Variants in SLC35F3 observed in about 807,000 individuals in gnomAD.
SLC35F3 encodes solute carrier family 35 member F3, also known as putative thiamine transporter SLC35F3.
A neutral mutation model predicts 49.9 loss-of-function variants in SLC35F3; 25 were observed. The ratio of observed to expected loss-of-function variants is 0.50; its 90% CI spans 0.37 to 0.70. The LOEUF (loss-of-function observed/expected upper bound fraction) is 0.70, where lower values mean the gene tolerates loss of function less well. Ranked by LOEUF, SLC35F3 falls within the 30% of genes least tolerant of loss-of-function variation. The pLI is 0.00. For missense variants in SLC35F3, 525 were observed against 639.8 expected, an observed-to-expected ratio of 0.82 and a Z score of 1.94; for synonymous variants, 275 against 265.4, an observed-to-expected ratio of 1.04 and a Z score of -0.35.
chr1:234,024,197 AT>A (rs1480239441), intron 2 of SLC35F3, among the ~76,000 whole-genome samples: 10 of 151,100 alleles, frequency 6.6e-5, no homozygotes, highest in African/African-American at 2.5e-4. Flanking sequence ...AATCAAAACT[AT>A]TCTAAAAATA....
intron 2 of SLC35F3, among the ~76,000 whole-genome samples, chr1:234,070,829 G>A (rs1344876892): frequency 1.3e-5 from 2 of 151,794 alleles, no homozygotes; most frequent in African/African-American, 4.8e-5. Flanking sequence ...TAGTAATTTT[G>A]TATGATGGCC....
intron 2 of SLC35F3, among the ~76,000 whole-genome samples, chr1:234,093,211 A>G (rs569111314): frequency 1.1e-4 from 16 of 152,340 alleles, no homozygotes; most frequent in Admixed American, 1.0e-3. Flanking sequence ...CACTCACAGC[A>G]TGCCTCCCAA....
intron 2 of SLC35F3, among the ~76,000 whole-genome samples, chr1:233,971,814 G>A (rs1261973419): frequency 6.6e-6 from 1 of 152,110 alleles, no homozygotes; most frequent in African/African-American, 2.4e-5. Flanking sequence ...TTATTAGCTG[G>A]GCATCGACTG....
rs1228622920 is a variant in SLC35F3, at chr1:234,001,755, CAT to C, written c.283+95999_283+96000del. 2.6e-5 allele frequency among the ~76,000 whole-genome samples: 4 copies of C among 152,136 alleles called. No individual in the cohort carries two copies. The South Asian group carries it at 8.3e-4, about 32-fold the overall frequency. On this transcript the variant is annotated intron_variant, in intron 2 of 7. Transcript: ENST00000366618. ...ACTTTAGCAAGGAAGAGGGCAAAAC[CAT>C]AGATTGATTTTACACTCTGCATCCT...
intron 2 of SLC35F3, among the ~76,000 whole-genome samples, chr1:233,920,644 A>G (rs1662043260): frequency 6.6e-6 from 1 of 152,236 alleles, no homozygotes; most frequent in Non-Finnish European, 1.5e-5. Context: ...ACTTCTAAGC[A>G]AAAGAATATG....
intron 2 of SLC35F3, among the ~76,000 whole-genome samples, chr1:234,154,650 A>G (rs1034245418): frequency 2.0e-5 from 3 of 152,224 alleles, no homozygotes; most frequent in Non-Finnish European, 4.4e-5. Flanking sequence ...TTAAATAGTT[A>G]TCATAACTAA....
intron 2 of SLC35F3, among the ~76,000 whole-genome samples, chr1:234,204,794 A>C (rs1252817020): frequency 6.6e-6 from 1 of 152,156 alleles, no homozygotes; most frequent in Non-Finnish European, 1.5e-5. Context: ...ACACCTCTAC[A>C]CCTCATCTCT....
chr1:234,113,517 TA>T (rs1369744860), intron 2 of SLC35F3, among the ~76,000 whole-genome samples: 1 of 152,230 alleles, frequency 6.6e-6, no homozygotes, highest in African/African-American at 2.4e-5. Flanking sequence ...TAGGCTGCCC[TA>T]AAATGAAGTC....
At chr1:233,933,314 A>G (rs1454378058) in intron 2 of SLC35F3, among the ~76,000 whole-genome samples, 2 of 151,946 alleles carry the variant, frequency 1.3e-5, no homozygotes, top group Non-Finnish European at 1.5e-5. Flanking sequence ...TTATTGTTGT[A>G]TACCGTTATT....
intron 2 of SLC35F3, among the ~76,000 whole-genome samples, chr1:234,108,350 ATATT>A (rs1440048372): frequency 2.6e-5 from 3 of 115,986 alleles, no homozygotes; most frequent in Non-Finnish European, 3.3e-5. Context: ...TAAAAGATAT[ATATT>A]TATATATATG....
At chr1:234,317,655 C>T (rs1455427572) in intron 5 of SLC35F3, among the ~76,000 whole-genome samples, 1 of 152,170 alleles carries the variant, frequency 6.6e-6, no homozygotes, top group East Asian at 1.9e-4. Context: ...CCTTATCCTT[C>T]ATCACCTCCC....
At chr1:234,294,093 T>A (rs1423893171) in intron 3 of SLC35F3, among the ~76,000 whole-genome samples, 1 of 152,372 alleles carries the variant, frequency 6.6e-6, no homozygotes, top group Non-Finnish European at 1.5e-5. Flanking sequence ...GACAAATCTA[T>A]GCCCATGTCT....
chr1:234,124,432 T>C lies in SLC35F3; in HGVS notation c.284-106985T>C, dbSNP rs573177115. Among the ~76,000 whole-genome samples, 3 of 152,340 alleles carry C rather than the reference T, an allele frequency of 2.0e-5. No homozygotes were observed. The South Asian group carries it at 6.2e-4, about 32-fold the overall frequency. The stretch of plus-strand genomic sequence containing the variant: ...CTGTCAAGTCTGACTTTCTTCTTCC[T>C]CTTCCTCCACCAACCCAAGATCATT... On this transcript the variant is annotated intron_variant, in intron 2 of 7. Transcript: ENST00000366618.
At chr1:234,204,185 C>A (rs1337696801) in intron 2 of SLC35F3, among the ~76,000 whole-genome samples, 1 of 151,912 alleles carries the variant, frequency 6.6e-6, no homozygotes, top group Non-Finnish European at 1.5e-5. Context: ...TGAAGCTTAT[C>A]TATATTCACA....
intron 2 of SLC35F3, among the ~76,000 whole-genome samples, chr1:234,207,252 GC>G (rs558710442): frequency 5.3e-4 from 80 of 151,762 alleles, no homozygotes; most frequent in African/African-American, 1.9e-3. Context: ...GCAGAGGGGA[GC>G]CACCGTGGCT....
chr1:234,287,210 TAAAAA>T (rs1458409647), intron 3 of SLC35F3, among the ~76,000 whole-genome samples: 9 of 151,850 alleles, frequency 5.9e-5, no homozygotes, highest in South Asian at 2.1e-4. Flanking sequence ...TAAATAAAAA[TAAAAA>T]TTTAAAAAGC....
intron 2 of SLC35F3, among the ~76,000 whole-genome samples, chr1:233,925,225 C>T (rs1662137213): frequency 6.6e-6 from 1 of 152,146 alleles, no homozygotes; most frequent in Admixed American, 6.5e-5. Flanking sequence ...CTAATATTGA[C>T]AGTGGGGTGT....
intron 2 of SLC35F3, among the ~76,000 whole-genome samples, chr1:234,135,103 G>A (rs1665790231): frequency 6.6e-6 from 1 of 152,166 alleles, no homozygotes; most frequent in South Asian, 2.1e-4. Context: ...GGCTGATCAG[G>A]GAAGGCCTCT....
intron 2 of SLC35F3, among the ~76,000 whole-genome samples, chr1:234,108,340 TAA>T (rs1301297102): frequency 3.4e-5 from 4 of 115,968 alleles, no homozygotes; most frequent in Admixed American, 1.2e-4. Context: ...TTTATATATA[TAA>T]AAGATATATA....
Sources: gnomAD v4.1 joint callset for allele counts (sites outside exome capture counted in the v4.1 genomes callset) on GRCh38, gnomAD v4.1.1 for gene constraint, MANE v1.5 for transcripts, NCBI Gene and HGNC (gene_info 2026-07-23, HGNC 2026-07-21) for gene names.